EYS: variants seen among roughly 807,000 people sequenced by gnomAD.
EYS encodes protein eyes shut homolog.
EYS carries 250 observed loss-of-function variants against 282.1 expected under a neutral mutation model. The ratio of observed to expected loss-of-function variants is 0.89; its 90% CI spans 0.80 to 0.98. The LOEUF (loss-of-function observed/expected upper bound fraction) is 0.98. EYS is among the 50% of genes least tolerant of loss of function. EYS has a pLI of 0.00. For synonymous variants in EYS, 1,355 were observed against 1,282.9 expected (o/e 1.06, Z -1.20); for missense variants, 4,016 against 3,709.0 (o/e 1.08, Z -2.15).
At chr6:63,889,917 A>T (rs1425279619) in intron 35 of EYS, among the ~76,000 whole-genome samples, 1 of 151,982 alleles carries the variant, frequency 6.6e-6, no homozygotes, top group African/African-American at 2.4e-5. Context: ...AAATAAAAGG[A>T]TGGAGGAAGA....
At chr6:65,664,122 G>A (rs1015294953) in intron 1 of EYS, among the ~76,000 whole-genome samples, 7 of 151,828 alleles carry the variant, frequency 4.6e-5, no homozygotes, top group Non-Finnish European at 8.8e-5. Flanking sequence ...CGCCTGCCTC[G>A]GCCTCCCAAA....
At chr6:64,717,101 C>A (rs982532348) in intron 22 of EYS, among the ~76,000 whole-genome samples, 1 of 152,010 alleles carries the variant, frequency 6.6e-6, no homozygotes, top group Non-Finnish European at 1.5e-5. Context: ...TTACCAAAAC[C>A]GTGACTGAGA....
At chr6:64,263,187 G>C (rs763400369) in intron 30 of EYS, among the ~76,000 whole-genome samples, 2 of 152,008 alleles carry the variant, frequency 1.3e-5, no homozygotes, top group Non-Finnish European at 2.9e-5. Context: ...AATGTTAACT[G>C]TTATAATCTC....
At chr6:65,695,779 T>A (rs1769430098) in intron 1 of EYS, among the ~76,000 whole-genome samples, 1 of 151,976 alleles carries the variant, frequency 6.6e-6, no homozygotes, top group Admixed American at 6.6e-5. Context: ...TAGAAAACTA[T>A]CTTTATAGTC....
chr6:63,947,787 G>A (rs1765442858), intron 35 of EYS, among the ~76,000 whole-genome samples: 1 of 152,100 alleles, frequency 6.6e-6, no homozygotes, highest in Non-Finnish European at 1.5e-5. Context: ...CATTGGTTAT[G>A]CCTTATGTTG....
At chr6:64,527,927 G>A (rs1009517493) in intron 26 of EYS, among the ~76,000 whole-genome samples, 10 of 151,640 alleles carry the variant, frequency 6.6e-5, no homozygotes, top group East Asian at 5.8e-4. Context: ...AAAACATTCC[G>A]TTTGCTTAAA....
intron 7 of EYS, among the ~76,000 whole-genome samples, chr6:65,387,064 T>C (rs553115563): frequency 6.6e-6 from 1 of 152,110 alleles, no homozygotes; most frequent in East Asian, 1.9e-4. Flanking sequence ...TCTTATCCTC[T>C]TTTACTTTTT....
At chr6:63,915,650 A>G (rs1005001090) in intron 35 of EYS, among the ~76,000 whole-genome samples, 5 of 152,226 alleles carry the variant, frequency 3.3e-5, no homozygotes, top group Non-Finnish European at 7.3e-5. Context: ...TCTATATGCC[A>G]TTAAGAATAC....
At chr6:64,808,819 A>T (rs1457051637) in intron 22 of EYS, among the ~76,000 whole-genome samples, 1 of 152,132 alleles carries the variant, frequency 6.6e-6, no homozygotes, top group African/African-American at 2.4e-5. Context: ...GTTCTAAAAT[A>T]ATTTAAAATA....
intron 35 of EYS, among the ~76,000 whole-genome samples, chr6:63,897,340 A>T (rs1773559651): frequency 6.6e-6 from 1 of 152,200 alleles, no homozygotes; most frequent in Non-Finnish European, 1.5e-5. Flanking sequence ...TTAAGTTAAA[A>T]ATCTTGAGAT....
Position 63,720,689 on chromosome 6 carries a change from A to T in EYS, c.9342T>A (p.Asp3114Glu), listed in dbSNP as rs1415160006. 1 of 1,547,714 alleles carries T rather than the reference A, an allele frequency of 6.5e-7. No individual in the cohort carries two copies. Among genetic ancestry groups the T allele is most frequent in the East Asian group, 2.5e-5 (1 of 40,808 alleles). Residue 3114 changes from aspartate to glutamate, a missense_variant, in exon 43 of 43, where the codon GAT (aspartate) becomes GAA (glutamate). Coordinates refer to ENST00000503581, the MANE Select transcript of EYS (RefSeq NM_001142800.2). ...FKTNFVGKIK[D>E]VVFFQEPKNI... is the part of the protein sequence containing the mutation. ...TTTTTGGTTCCTGAAAAAATACAAC[A>T]TCTTTAATTTTGCCAACAAAATTGG...
chr6:65,572,605 A>G (rs1764516966), intron 2 of EYS, among the ~76,000 whole-genome samples: 1 of 152,120 alleles, frequency 6.6e-6, no homozygotes, highest in South Asian at 2.1e-4. Flanking sequence ...TCAATAATGA[A>G]CCGTATATAA....
intron 8 of EYS, among the ~76,000 whole-genome samples, chr6:65,383,727 T>G (rs1765701745): frequency 6.6e-6 from 1 of 151,894 alleles, no homozygotes; most frequent in African/African-American, 2.4e-5. Context: ...ATTTTAAAAT[T>G]CAATATTTTT....
chr6:65,596,801 CAA>C, intron 2 of EYS, among the ~76,000 whole-genome samples: 2 of 152,032 alleles, frequency 1.3e-5, no homozygotes. Flanking sequence ...ATTTGGATAA[CAA>C]AGCATTTAAA....
chr6:64,403,983 G>A (rs548069716), intron 28 of EYS, among the ~76,000 whole-genome samples: 5 of 152,214 alleles, frequency 3.3e-5, no homozygotes, highest in South Asian at 4.2e-4. Context: ...GCTTGTGTAG[G>A]GCTTACCTTG....
intron 28 of EYS, among the ~76,000 whole-genome samples, chr6:64,428,846 T>C (rs912279829): frequency 6.6e-6 from 1 of 152,194 alleles, no homozygotes; most frequent in African/African-American, 2.4e-5. Flanking sequence ...TTGTGTATAC[T>C]TTGAATTTTT....
At chr6:65,143,141 G>A (rs1008127893) in intron 12 of EYS, among the ~76,000 whole-genome samples, 1 of 151,898 alleles carries the variant, frequency 6.6e-6, no homozygotes, top group Non-Finnish European at 1.5e-5. Flanking sequence ...CCACACACCC[G>A]AGAATGAATC....
chr6:63,727,732 A>G (rs1768668723), intron 41 of EYS, among the ~76,000 whole-genome samples: 1 of 93,596 alleles, frequency 1.1e-5, no homozygotes, highest in Non-Finnish European at 1.9e-5. Context: ...AAAAAAAAAA[A>G]AAAAAATATA....
intron 13 of EYS, among the ~76,000 whole-genome samples, chr6:65,051,570 T>C (rs889758067): frequency 2.0e-5 from 3 of 151,592 alleles, no homozygotes; most frequent in Non-Finnish European, 4.4e-5. Flanking sequence ...CAAAATCTAA[T>C]CTGTAAGTAA....
Sources: allele counts gnomAD v4.1 joint callset (sites outside exome capture counted in the v4.1 genomes callset), GRCh38; gene constraint gnomAD v4.1.1; transcripts MANE v1.5; gene names NCBI Gene and HGNC (gene_info 2026-07-23, HGNC 2026-07-21).